The following MAP3K4 variants were observed in gnomAD, a reference collection of about 807,000 sequenced individuals.
MAP3K4 encodes mitogen-activated protein kinase kinase kinase 4.
A neutral mutation model predicts 185.6 loss-of-function variants in MAP3K4; 67 were observed. The observed-to-expected ratio is 0.36, with a 90% confidence interval of 0.30 to 0.44. The LOEUF is 0.44. Ranked by LOEUF, MAP3K4 falls within the 20% of genes least tolerant of loss-of-function variation. MAP3K4 has a pLI of 1.00. For synonymous variants in MAP3K4, 702 were observed against 710.4 expected, an observed-to-expected ratio of 0.99 and a Z score of 0.19; for missense variants, 1,551 against 1,995.1, an observed-to-expected ratio of 0.78 and a Z score of 4.24.
At chr6:161,030,948 G>T (rs796836752) in intron 1 of MAP3K4, among the ~76,000 whole-genome samples, 13 of 152,292 alleles carry the variant, frequency 8.5e-5, no homozygotes, top group African/African-American at 3.1e-4. Flanking sequence ...CGAATTATAA[G>T]TATAGTGGCT....
chr6:161,025,913 A>G (rs939829766), intron 1 of MAP3K4, among the ~76,000 whole-genome samples: 3 of 152,236 alleles, frequency 2.0e-5, no homozygotes, highest in Non-Finnish European at 2.9e-5. Context: ...TCTTAGACCT[A>G]TGGTTCTCTT....
At position 161,086,529 on chromosome 6, in the gene MAP3K4, A is replaced by G. The variant is rs1306945819; in HGVS notation, c.2472+51A>G. On this transcript the variant is annotated intron_variant, in intron 8 of 26. Transcript: ENST00000392142. The surrounding 1 kb of genome is among the most constrained non-coding windows in gnomAD (Gnocchi z 4.8). ...GTACCTTTTTTCTTGTTTTTCTTTT[A>G]TCTTATTTTTTTAATGCTAACCGTA... is the stretch of plus-strand genomic sequence containing the variant. The G allele has an allele frequency of 1.2e-6, 2 of 1,601,200 alleles. No individual in the cohort carries two copies. The highest frequency in any genetic ancestry group is 1.3e-5 in the African/African-American group (1 of 74,214).
rs61222838 is a variant in MAP3K4 at position 161,015,483 on chromosome 6, TCAC to T, written c.153-18764_153-18762del. On this transcript the variant is annotated intron_variant, in intron 1 of 26. Coordinates refer to ENST00000392142, the MANE Select transcript of MAP3K4 (RefSeq NM_005922.4). Reference sequence around the variant, plus strand: ...AAAATGAAAGTTGAAGTGGCCACCATCACCACCACCACCAACAGAAGAATACTC... The same window carrying T: ...AAAATGAAAGTTGAAGTGGCCACCATCACCACCACCAACAGAAGAATACTC... Among the ~76,000 whole-genome samples the T allele has an allele frequency of 7.9e-3, 1,200 of 152,162 alleles. 14 individuals are homozygous for T. Among genetic ancestry groups the T allele is most frequent in the African/African-American group, 0.027 (1,120 of 41,490 alleles).
At position 161,096,357 on chromosome 6, in the gene MAP3K4, C is replaced by T. The variant is rs1446748994; in HGVS notation, c.3428-723C>T. Among the ~76,000 whole-genome samples, 2 of 151,676 alleles carry T rather than the reference C, an allele frequency of 1.3e-5. No homozygotes were observed. Among genetic ancestry groups the T allele is most frequent in the Admixed American group, 6.6e-5 (1 of 15,246 alleles). On this transcript the variant is annotated intron_variant, in intron 15 of 26. Coordinates refer to ENST00000392142, the MANE Select transcript of MAP3K4 (RefSeq NM_005922.4). This position sits in a 1 kb window ranked among gnomAD's most constrained non-coding sequence, Gnocchi z 4.9. ...AAAAAAATACTAAGGAGGGTTAAAA[C>T]AGAGTGGTAAAAGTGAAGAAGAGAA...
intron 11 of MAP3K4, among the ~76,000 whole-genome samples, chr6:161,090,917 G>A (rs1583219937): frequency 6.6e-6 from 1 of 152,194 alleles, no homozygotes; most frequent in African/African-American, 2.4e-5. Flanking sequence ...TCTGGACAAC[G>A]TCTCCAGACG....
In MAP3K4 at chr6:161,089,441, G is replaced by A. The variant is rs368962247; in HGVS notation, c.2943G>A (p.Pro981=). The A allele has an allele frequency of 4.2e-5, 67 of 1,614,046 alleles. No individual in the cohort carries two copies. In the South Asian group the frequency reaches 4.9e-4, roughly 12 times the overall value. Reference sequence around the variant, plus strand: ...GCCAGGAGCAGACATCCAGTCAGCCGGTCATCGCCAAAGCTTTGCAGCAGC... The same window carrying A: ...GCCAGGAGCAGACATCCAGTCAGCCAGTCATCGCCAAAGCTTTGCAGCAGC... ...TLCQEQTSSQ[P]VIAKALQQLK... The change falls in exon 11 of 27, where the codon CCG becomes CCA. Residue 981 remains proline, a synonymous_variant. Coordinates refer to ENST00000392142, the MANE Select transcript of MAP3K4 (RefSeq NM_005922.4).
At chr6:161,021,565 A>G (rs562790310) in intron 1 of MAP3K4, among the ~76,000 whole-genome samples, 3 of 152,318 alleles carry the variant, frequency 2.0e-5, no homozygotes, top group East Asian at 3.9e-4. Context: ...CCATCTTCCT[A>G]GTTCTCCAGG....
At chr6:161,069,968 G>A (rs1315402665) in intron 3 of MAP3K4, among the ~76,000 whole-genome samples, 2 of 152,018 alleles carry the variant, frequency 1.3e-5, no homozygotes, top group African/African-American at 4.8e-5. Flanking sequence ...GAGAGGAACA[G>A]CTAAAAGAAC....
At chr6:161,039,772 C>A (rs143025629) in intron 2 of MAP3K4, among the ~76,000 whole-genome samples, 10 of 152,258 alleles carry the variant, frequency 6.6e-5, no homozygotes, top group Admixed American at 2.6e-4. Context: ...TGGAATTTTA[C>A]AAAGTTAGTT....
chr6:161,042,039 C>T (rs1283745827), intron 2 of MAP3K4, among the ~76,000 whole-genome samples: 2 of 148,694 alleles, frequency 1.3e-5, no homozygotes, highest in Admixed American at 6.8e-5. Context: ...CCTCCTGGTG[C>T]GTGTCACCAC....
chr6:161,096,437 C>G lies in MAP3K4; in HGVS notation c.3428-643C>G, dbSNP rs189621583. Among the ~76,000 whole-genome samples, 120 of 152,118 alleles carry G rather than the reference C, an allele frequency of 7.9e-4. 2 individuals are homozygous for G. In the East Asian group the frequency reaches 0.011, roughly 14 times the overall value. ...GACGCATGTCCACTAATACTGACAT[C>G]TAGTTATTGGGAAAGTGGAATTATC... On this transcript the variant is annotated intron_variant, in intron 15 of 26. Transcript: ENST00000392142. The surrounding 1 kb of genome is among the most constrained non-coding windows in gnomAD (Gnocchi z 4.9).
intron 23 of MAP3K4, among the ~76,000 whole-genome samples, chr6:161,111,345 C>T (rs1778340913): frequency 6.6e-6 from 1 of 152,206 alleles, no homozygotes; most frequent in Non-Finnish European, 1.5e-5. Flanking sequence ...ATATATGTTG[C>T]TTGTAGGAAT....
In MAP3K4 at chr6:161,091,839, G is replaced by T. The variant is rs1777326113; in HGVS notation, c.3136-171G>T. ...TCAGGAGTAAAACATTTATGAAACT[G>T]CATTTTGAAACACTGTACTTTCCAT... On this transcript the variant is annotated intron_variant, in intron 12 of 26. Coordinates refer to ENST00000392142, the MANE Select transcript of MAP3K4 (RefSeq NM_005922.4). The surrounding 1 kb of genome is among the most constrained non-coding windows in gnomAD (Gnocchi z 5.5). Among the ~76,000 whole-genome samples the T allele has an allele frequency of 6.6e-6, 1 of 152,144 alleles. No individual in the cohort carries two copies. Among genetic ancestry groups the T allele is most frequent in the Non-Finnish European group, 1.5e-5 (1 of 68,022 alleles).
In MAP3K4 at chr6:161,098,641, A is replaced by C. The variant is rs185818775; in HGVS notation, c.3674+214A>C. On this transcript the variant is annotated intron_variant, in intron 17 of 26. Transcript: ENST00000392142. This position sits in a 1 kb window ranked among gnomAD's most constrained non-coding sequence, Gnocchi z 4.4. Reference sequence around the variant, plus strand: ...CTGTCTGATGTCAGTATTTCTTTGGAGCTGATATTAGCCAAAATGACTAAA... The same window carrying C: ...CTGTCTGATGTCAGTATTTCTTTGGCGCTGATATTAGCCAAAATGACTAAA... 6.6e-6 allele frequency among the ~76,000 whole-genome samples: 1 copy of C among 152,272 alleles called. No individual in the cohort carries two copies. Among genetic ancestry groups the C allele is most frequent in the African/African-American group, 2.4e-5 (1 of 41,558 alleles).
intron 19 of MAP3K4, among the ~76,000 whole-genome samples, chr6:161,104,129 C>T (rs187586894): frequency 1.3e-5 from 2 of 152,228 alleles, no homozygotes; most frequent in African/African-American, 2.4e-5. Context: ...TATTAAAGAC[C>T]AAGGGCTGGG....
At position 161,103,933 on chromosome 6, in the gene MAP3K4, G is replaced by T. The variant is rs1465918260; in HGVS notation, c.3856+1154G>T. ...GGTGTGTGTTGAGGGTTCAAGTGGG[G>T]GAGTTTTCCTAGGCTTGAGCCAGGT... On this transcript the variant is annotated intron_variant, in intron 19 of 26. Transcript: ENST00000392142. The surrounding 1 kb of genome is among the most constrained non-coding windows in gnomAD (Gnocchi z 4.6). Among the ~76,000 whole-genome samples, 2 of 152,146 alleles carry T rather than the reference G, an allele frequency of 1.3e-5. No homozygotes were observed. The highest frequency in any genetic ancestry group is 2.9e-5 in the Non-Finnish European group (2 of 68,034).
At chr6:161,089,813 T>C (rs1469256981) in intron 11 of MAP3K4, among the ~76,000 whole-genome samples, 4 of 152,206 alleles carry the variant, frequency 2.6e-5, no homozygotes, top group Non-Finnish European at 5.9e-5. Context: ...CCCCAGTATT[T>C]ACTAGAGGTA....
Position 161,074,077 on chromosome 6 carries a change from A to G in MAP3K4, c.2097+465A>G, listed in dbSNP as rs1476563774. On this transcript the variant is annotated intron_variant, in intron 5 of 26. Coordinates refer to ENST00000392142, the MANE Select transcript of MAP3K4 (RefSeq NM_005922.4). This position sits in a 1 kb window ranked among gnomAD's most constrained non-coding sequence, Gnocchi z 5.0. ...ATGGCTCTGGGAGTGTTGAAGATCA[A>G]CAAGACACTCGTAGTCTGGTGGGAC... Among the ~76,000 whole-genome samples the G allele has an allele frequency of 2.0e-5, 3 of 152,328 alleles. No individual in the cohort carries two copies. The highest frequency in any genetic ancestry group is 6.8e-3 in the Middle Eastern group (2 of 294).
In MAP3K4 at chr6:161,087,273, C is replaced by G. The variant is rs943967998; in HGVS notation, c.2557-415C>G. On this transcript the variant is annotated intron_variant, in intron 9 of 26. Coordinates refer to ENST00000392142, the MANE Select transcript of MAP3K4 (RefSeq NM_005922.4). The surrounding 1 kb of genome is among the most constrained non-coding windows in gnomAD (Gnocchi z 4.9). ...CTCAAGGAGCCTTCTTGTGATGAACCCCTGGCTCCCTGCCCTGGAATAATT... is the reference window on the plus strand; with the variant it reads ...CTCAAGGAGCCTTCTTGTGATGAACGCCTGGCTCCCTGCCCTGGAATAATT... Among the ~76,000 whole-genome samples, 4 of 152,186 alleles carry G rather than the reference C, an allele frequency of 2.6e-5. No homozygotes were observed. Among genetic ancestry groups the G allele is most frequent in the African/African-American group, 9.7e-5 (4 of 41,438 alleles).
Sources: gnomAD v4.1 joint callset for allele counts (sites outside exome capture counted in the v4.1 genomes callset) on GRCh38, gnomAD v4.1.1 for gene constraint, Gnocchi (gnomAD v3.1) non-coding constraint, MANE v1.5 for transcripts, NCBI Gene and HGNC (gene_info 2026-07-23, HGNC 2026-07-21) for gene names.